Variants in BCL2 observed in about 807,000 individuals in gnomAD.
BCL2 encodes BCL2 apoptosis regulator.
A neutral mutation model predicts 14.2 loss-of-function variants in BCL2; 1 was observed. The observed-to-expected ratio is 0.07, with a 90% CI of 0.02 to 0.33. The LOEUF (loss-of-function observed/expected upper bound fraction) is 0.33, where lower values mean the gene tolerates loss of function less well. BCL2 is among the 10% of genes least tolerant of loss of function. The pLI is 0.99. For missense variants in BCL2, 247 were observed against 305.9 expected (o/e 0.81, Z 1.44); for synonymous variants, 151 against 137.2 (o/e 1.10, Z -0.70).
intron 2 of BCL2, among the ~76,000 whole-genome samples, chr18:63,171,904 CCAGGGGTTT>C (rs908282307): frequency 7.2e-5 from 11 of 152,128 alleles, no homozygotes; most frequent in African/African-American, 2.7e-4. Context: ...TTGCTTGAGT[CCAGGGGTTT>C]GAGGCTGCAG....
intron 2 of BCL2, among the ~76,000 whole-genome samples, chr18:63,286,573 G>T (rs1912480747): frequency 6.6e-6 from 1 of 152,108 alleles, no homozygotes; most frequent in Non-Finnish European, 1.5e-5. Flanking sequence ...AAAGTGGGCT[G>T]GTGCCAGCCC....
At chr18:63,218,605 T>C (rs1910274231) in intron 2 of BCL2, among the ~76,000 whole-genome samples, 1 of 59,758 alleles carries the variant, frequency 1.7e-5, no homozygotes, top group Non-Finnish European at 3.6e-5. Context: ...TCCACCACCA[T>C]CCACTCATCC....
chr18:63,304,571 AT>A (rs1282571214), intron 2 of BCL2, among the ~76,000 whole-genome samples: 1 of 152,054 alleles, frequency 6.6e-6, no homozygotes, highest in African/African-American at 2.4e-5. Context: ...TGTTCTTTTA[AT>A]TTTTTTGTTT....
At chr18:63,274,545 A>G (rs528874827) in intron 2 of BCL2, among the ~76,000 whole-genome samples, 3 of 152,254 alleles carry the variant, frequency 2.0e-5, no homozygotes, top group Admixed American at 6.5e-5. Flanking sequence ...TTGGACTCCC[A>G]AAGTGCTGGG....
intron 2 of BCL2, among the ~76,000 whole-genome samples, chr18:63,306,388 C>T (rs1011829959): frequency 1.3e-5 from 2 of 152,238 alleles, no homozygotes; most frequent in Non-Finnish European, 2.9e-5. Context: ...GTCTCATTAA[C>T]GGTCTGGAGT....
chr18:63,178,084 A>T (rs1162332161), intron 2 of BCL2, among the ~76,000 whole-genome samples: 1 of 152,216 alleles, frequency 6.6e-6, no homozygotes, highest in African/African-American at 2.4e-5. Flanking sequence ...TCCCCTGAGC[A>T]AGAGGCCTCA....
chr18:63,295,420 G>T lies in BCL2; in HGVS notation c.585+22662C>A, dbSNP rs76925950. ...AGTGCCCCCAGCACATCAGACAGCA[G>T]AAAGAGCAGCAGTGAGAAGCAAAAC... On this transcript the variant is annotated intron_variant, in intron 2 of 2. Transcript: ENST00000333681. Among the ~76,000 whole-genome samples, 373 of 152,248 alleles carry T rather than the reference G, an allele frequency of 2.4e-3. 1 individual carries two copies. Among genetic ancestry groups the T allele is most frequent in the Non-Finnish European group, 3.7e-3 (255 of 68,020 alleles).
chr18:63,216,195 T>C (rs759874845), intron 2 of BCL2, among the ~76,000 whole-genome samples: 3 of 152,128 alleles, frequency 2.0e-5, no homozygotes, highest in Non-Finnish European at 4.4e-5. Context: ...AAAAATTCTA[T>C]CTTGCTTTTG....
chr18:63,242,216 A>G (rs762549713), intron 2 of BCL2, among the ~76,000 whole-genome samples: 25 of 152,380 alleles, frequency 1.6e-4, no homozygotes, highest in Admixed American at 5.9e-4. Flanking sequence ...GAATATGAGA[A>G]AACAGAGGCT....
chr18:63,129,778 G>C (rs1044168838), intron 2 of BCL2, among the ~76,000 whole-genome samples: 9 of 152,192 alleles, frequency 5.9e-5, no homozygotes, highest in Non-Finnish European at 1.3e-4. Flanking sequence ...GGTCAGTCAA[G>C]GGCTCAGTCA....
intron 2 of BCL2, among the ~76,000 whole-genome samples, chr18:63,230,999 TATC>T (rs139414079): frequency 0.022 from 3,340 of 152,156 alleles, 113 homozygotes; most frequent in South Asian, 0.089. Flanking sequence ...TCTATCAAAA[TATC>T]ATGTTTATCA....
chr18:63,178,163 G>T (rs1014747868), intron 2 of BCL2, among the ~76,000 whole-genome samples: 1 of 152,170 alleles, frequency 6.6e-6, no homozygotes, highest in Non-Finnish European at 1.5e-5. Context: ...GCTCGTCACC[G>T]TTTATGCTGC....
In BCL2 at chr18:63,253,267, T is replaced by G. The variant is rs183964050; in HGVS notation, c.585+64815A>C. ...TGGGTAGGAAAGGACAGAGCAGAGG[T>G]TTGAATCCAGGCAGACCATCTCCAG... On this transcript the variant is annotated intron_variant, in intron 2 of 2. Coordinates refer to ENST00000333681, the MANE Select transcript of BCL2 (RefSeq NM_000633.3). 1.1e-3 allele frequency among the ~76,000 whole-genome samples: 167 copies of G among 152,228 alleles called. 1 individual carries two copies. Among genetic ancestry groups the G allele is most frequent in the Non-Finnish European group, 2.0e-3 (133 of 68,012 alleles).
At chr18:63,173,342 C>T (rs1414228335) in intron 2 of BCL2, among the ~76,000 whole-genome samples, 1 of 152,118 alleles carries the variant, frequency 6.6e-6, no homozygotes. Context: ...TACACACAAG[C>T]CAAAAACACC....
chr18:63,239,991 TTTTG>T, intron 2 of BCL2, among the ~76,000 whole-genome samples: 1 of 152,106 alleles, frequency 6.6e-6, no homozygotes, highest in Non-Finnish European at 1.5e-5. Flanking sequence ...TATCTTGATT[TTTTG>T]TTTGTTTGTT....
intron 2 of BCL2, among the ~76,000 whole-genome samples, chr18:63,299,404 C>G (rs1912893152): frequency 6.6e-6 from 1 of 152,242 alleles, no homozygotes; most frequent in South Asian, 2.1e-4. Flanking sequence ...ACTGCCCATG[C>G]CTTGGGGCAG....
intron 2 of BCL2, among the ~76,000 whole-genome samples, chr18:63,193,629 CAAAT>C (rs1909355621): frequency 6.7e-6 from 1 of 149,464 alleles, no homozygotes; most frequent in Admixed American, 6.7e-5. Context: ...CACACACATA[CAAAT>C]ACACACACAC....
intron 2 of BCL2, among the ~76,000 whole-genome samples, chr18:63,266,182 G>A (rs1279171183): frequency 1.3e-5 from 2 of 151,928 alleles, no homozygotes; most frequent in Non-Finnish European, 2.9e-5. Context: ...CCAAAAAGGA[G>A]ACTGATTAAA....
intron 2 of BCL2, among the ~76,000 whole-genome samples, chr18:63,138,822 A>G (rs745556796): frequency 3.9e-5 from 6 of 152,282 alleles, no homozygotes; most frequent in Non-Finnish European, 7.3e-5. Flanking sequence ...CAGTTGGTCC[A>G]GGGAAGTTCT....
Sources: allele counts gnomAD v4.1 joint callset (sites outside exome capture counted in the v4.1 genomes callset), GRCh38; gene constraint gnomAD v4.1.1; transcripts MANE v1.5; gene names NCBI Gene and HGNC (gene_info 2026-07-23, HGNC 2026-07-21).